Variants in RYR2 observed in about 807,000 individuals in gnomAD.
RYR2 encodes cardiac muscle ryanodine receptor-calcium release channel.
RYR2 carries 227 observed loss-of-function variants against 601.1 expected under a neutral mutation model. The ratio of observed to expected loss-of-function variants is 0.38; its 90% CI spans 0.34 to 0.42. The LOEUF (loss-of-function observed/expected upper bound fraction) is 0.42, where lower values mean the gene tolerates loss of function less well. Among genes scored for constraint, RYR2 ranks in the 10% least tolerant of loss-of-function variants. The pLI is 1.00. For missense variants in RYR2, 4,646 were observed against 6,156.5 expected (o/e 0.75, Z 8.21); for synonymous variants, 2,223 against 2,175.1 (o/e 1.02, Z -0.61).
chr1:237,801,718 G>T, intron 97 of RYR2, 138 bp from the exon 98 acceptor site: 1 of 500,132 alleles, frequency 2.0e-6, no homozygotes, highest in South Asian at 3.8e-5. Flanking sequence ...TCCTCCCTTG[G>T]CATCTGGGAT....
At chr1:237,704,061 CTT>C (rs1347749661) in intron 66 of RYR2, among the ~76,000 whole-genome samples, 1 of 152,062 alleles carries the variant, frequency 6.6e-6, no homozygotes, top group East Asian at 1.9e-4. Context: ...GAGAATGTGT[CTT>C]TTAGAAGGCG....
chr1:237,571,827 A>G (rs1366311957), intron 29 of RYR2, among the ~76,000 whole-genome samples: 3 of 152,224 alleles, frequency 2.0e-5, no homozygotes, highest in African/African-American at 7.2e-5. Flanking sequence ...TTTTGGAGAT[A>G]CATGGTAAGT....
At position 237,469,178 on chromosome 1, in the gene RYR2, G is replaced by C. The variant is rs753758467; in HGVS notation, c.1699G>C (p.Ala567Pro). The C allele has an allele frequency of 4.4e-6, 7 of 1,582,968 alleles. No homozygotes were observed. The highest frequency in any genetic ancestry group is 1.7e-4 in the Middle Eastern group (1 of 5,908). ...GATCAGCAGATTGGAAAGACTGGAA[G>C]CTTCTTCAGGTATGTTTTCTAGTTT... ...WLISRLERLE[A>P]SSGILEVLHC... Residue 567 changes from alanine to proline, a missense_variant, in exon 17 of 105, where the codon GCT (alanine) becomes CCT (proline). Ala to Pro is a conservative substitution (Grantham distance 27). Coordinates refer to ENST00000366574, the MANE Select transcript of RYR2 (RefSeq NM_001035.3).
chr1:237,621,455 G>T (rs72751219), intron 38 of RYR2, among the ~76,000 whole-genome samples: 4,046 of 152,122 alleles, frequency 0.027, 86 homozygotes, highest in Non-Finnish European at 0.043. Context: ...TAGAAAAAAT[G>T]GATCCAAAAG....
intron 1 of RYR2, among the ~76,000 whole-genome samples, 182 bp downstream of exon 1, chr1:237,042,751 G>T (rs886222966): frequency 1.3e-5 from 2 of 152,158 alleles, no homozygotes; most frequent in Non-Finnish European, 2.9e-5. Flanking sequence ...TGGGGCGAGG[G>T]AAGGCAAGGG....
At chr1:237,741,388 C>G (rs919787273) in intron 79 of RYR2, among the ~76,000 whole-genome samples, 1 of 152,040 alleles carries the variant, frequency 6.6e-6, no homozygotes, top group African/African-American at 2.4e-5. Flanking sequence ...ATTTCATTAT[C>G]TGCCTTCATA....
chr1:237,682,827 T>C (rs1005518791), intron 62 of RYR2, among the ~76,000 whole-genome samples: 1 of 152,144 alleles, frequency 6.6e-6, no homozygotes, highest in African/African-American at 2.4e-5. Flanking sequence ...TTCCAACACA[T>C]AGAAAATGAG....
intron 7 of RYR2, among the ~76,000 whole-genome samples, chr1:237,376,850 T>C (rs1268920953): frequency 6.6e-6 from 1 of 152,190 alleles, no homozygotes; most frequent in Non-Finnish European, 1.5e-5. Flanking sequence ...TGATAATACT[T>C]TGCATCCTTT....
At chr1:237,742,239 A>G (rs1050512239) in intron 79 of RYR2, 57 bp from the exon 80 acceptor site, 1 of 1,167,394 alleles carries the variant, frequency 8.6e-7, no homozygotes, top group East Asian at 2.6e-5. Context: ...GTTCTTTTGC[A>G]CTTTCTAAAA....
In RYR2 at chr1:237,560,504, G is replaced by A. The variant is rs529745856; in HGVS notation, c.3215-6063G>A. Among the ~76,000 whole-genome samples, 4 of 152,312 alleles carry A rather than the reference G, an allele frequency of 2.6e-5. No homozygotes were observed. In the East Asian group the frequency reaches 5.8e-4, roughly 22 times the overall value. On this transcript the variant is annotated intron_variant, in intron 27 of 104. Coordinates refer to ENST00000366574, the MANE Select transcript of RYR2 (RefSeq NM_001035.3). ...TGCCCACTACAAGGGCTTATGGGTG[G>A]CTGATTTTCACTATGATTGAGGGTC...
At chr1:237,646,332 C>G (rs1277472456) in intron 48 of RYR2, among the ~76,000 whole-genome samples, 1 of 151,790 alleles carries the variant, frequency 6.6e-6, no homozygotes, top group Non-Finnish European at 1.5e-5. Context: ...CAGAGCAAGA[C>G]TCTGTCTCAA....
At chr1:237,801,073 T>C (rs1444116620) in intron 97 of RYR2, among the ~76,000 whole-genome samples, 1 of 152,202 alleles carries the variant, frequency 6.6e-6, no homozygotes, top group Admixed American at 6.5e-5. Flanking sequence ...AGCTCTTTCA[T>C]TTATAAAATA....
chr1:237,264,298 G>A (rs1404301239), intron 1 of RYR2, among the ~76,000 whole-genome samples: 1 of 152,116 alleles, frequency 6.6e-6, no homozygotes, highest in Non-Finnish European at 1.5e-5. Context: ...GGATTAGCCG[G>A]TGTACAGTCT....
chr1:237,421,254 GTAA>G (rs540154237), intron 11 of RYR2, among the ~76,000 whole-genome samples: 1 of 151,476 alleles, frequency 6.6e-6, no homozygotes, highest in African/African-American at 2.4e-5. Context: ...AAAAATAATA[GTAA>G]TAATAATAAT....
At chr1:237,583,166 C>A (rs1674126582) in intron 29 of RYR2, among the ~76,000 whole-genome samples, 1 of 151,982 alleles carries the variant, frequency 6.6e-6, no homozygotes, top group Admixed American at 6.6e-5. Flanking sequence ...ATTTGCATTT[C>A]TCTGATGATT....
chr1:237,493,461 C>CT (rs559994730), intron 19 of RYR2, among the ~76,000 whole-genome samples: 10 of 151,148 alleles, frequency 6.6e-5, no homozygotes, highest in East Asian at 3.9e-4. Context: ...TTGTTTTTTT[C>CT]TTTTTTTTTA....
intron 1 of RYR2, among the ~76,000 whole-genome samples, chr1:237,104,718 T>G (rs1668477167): frequency 6.6e-6 from 1 of 152,206 alleles, no homozygotes; most frequent in African/African-American, 2.4e-5. Flanking sequence ...CCCAGGGCAC[T>G]GTACTTACTT....
chr1:237,132,864 G>A (rs1158229159), intron 1 of RYR2, among the ~76,000 whole-genome samples: 1 of 152,212 alleles, frequency 6.6e-6, no homozygotes, highest in East Asian at 1.9e-4. Flanking sequence ...TGCATGGGAT[G>A]ATGTGAGAGT....
At chr1:237,680,107 A>G (rs569871467) in intron 61 of RYR2, among the ~76,000 whole-genome samples, 26 of 152,310 alleles carry the variant, frequency 1.7e-4, no homozygotes, top group Admixed American at 5.9e-4. Flanking sequence ...ATCAGTTGCA[A>G]TGTTCACACA....
Sources: gnomAD v4.1 joint callset for allele counts (sites outside exome capture counted in the v4.1 genomes callset) on GRCh38, gnomAD v4.1.1 for gene constraint, MANE v1.5 for transcripts, NCBI Gene and HGNC (gene_info 2026-07-23, HGNC 2026-07-21) for gene names.